Variants in SH3PXD2A observed in about 807,000 individuals in gnomAD.
SH3PXD2A encodes the protein SH3 and PX domains 2A.
Under a neutral mutation model 115.2 loss-of-function variants are expected in SH3PXD2A, and 32 were observed. The ratio of observed to expected loss-of-function variants is 0.28; its 90% confidence interval spans 0.21 to 0.37. The LOEUF (loss-of-function observed/expected upper bound fraction) is 0.37, where lower values mean the gene tolerates loss of function less well. Among genes scored for constraint, SH3PXD2A ranks in the 10% least tolerant of loss-of-function variants. SH3PXD2A has a pLI of 1.00. For missense variants in SH3PXD2A, 1,328 were observed against 1,498.7 expected (o/e 0.89, Z 1.88); for synonymous variants, 610 against 629.1 (o/e 0.97, Z 0.45).
At chr10:103,837,734 T>G (rs562161410) in intron 1 of SH3PXD2A, among the ~76,000 whole-genome samples, 2 of 152,186 alleles carry the variant, frequency 1.3e-5, no homozygotes, top group Non-Finnish European at 2.9e-5. Context: ...GCAGGAGAAC[T>G]GTAGCACTTC....
rs1387124567 is a variant in SH3PXD2A, at chr10:103,596,839, T to A, written c.*4977A>T. 2 of 152,606 alleles carry A rather than the reference T, an allele frequency of 1.3e-5. No individual in the cohort carries two copies. Among genetic ancestry groups the A allele is most frequent in the African/African-American group, 4.8e-5 (2 of 41,434 alleles). 9.5% of individuals were successfully genotyped at this position (152,606 alleles called of 1,614,324 possible). On this transcript the variant is annotated 3_prime_UTR_variant, in exon 15 of 15. Coordinates refer to ENST00000369774, the MANE Select transcript of SH3PXD2A (RefSeq NM_001394015.1). The stretch of plus-strand genomic sequence containing the variant: ...GAGACCCGCACAGGGCACAGTCCCA[T>A]TCCAGGCACAGAGATCTGTGTCTGT...
At chr10:103,854,891 T>C (rs1216488657) in intron 1 of SH3PXD2A, among the ~76,000 whole-genome samples, 1 of 151,472 alleles carries the variant, frequency 6.6e-6, no homozygotes, top group Non-Finnish European at 1.5e-5. Context: ...CTGTGAGGGG[T>C]TGACGAAAGC....
chr10:103,599,739 A>G lies in SH3PXD2A; in HGVS notation c.*2077T>C, dbSNP rs1403633476. 1 of 152,670 alleles carries G rather than the reference A, an allele frequency of 6.6e-6. No homozygotes were observed. Among genetic ancestry groups the G allele is most frequent in the Non-Finnish European group, 1.5e-5 (1 of 68,048 alleles). The allele number at this position is 152,670 out of a possible 1,614,324, so 9.5% of individuals were successfully genotyped here. ...AATAAGTACAAATAATATTAACATG[A>G]AGACACTAAACCACTACCATTAGTA... On this transcript the variant is annotated 3_prime_UTR_variant, in exon 15 of 15. Coordinates refer to ENST00000369774, the MANE Select transcript of SH3PXD2A (RefSeq NM_001394015.1).
At chr10:103,714,035 C>T (rs1292158702) in intron 5 of SH3PXD2A, among the ~76,000 whole-genome samples, 3 of 152,170 alleles carry the variant, frequency 2.0e-5, no homozygotes, top group African/African-American at 4.8e-5. Context: ...TCCCAGTGGC[C>T]GAAGACCCAG....
rs781020469 is a variant in SH3PXD2A, at chr10:103,596,659, A to ACTCT, written c.*5156_*5157insAGAG. 516 of 48,874 alleles carry ACTCT rather than the reference A, an allele frequency of 0.011. 6 individuals are homozygous for ACTCT. Among genetic ancestry groups the ACTCT allele is most frequent in the Admixed American group, 0.082 (408 of 4,978 alleles). 3.0% of individuals were successfully genotyped at this position (48,874 alleles called of 1,614,324 possible). A position where few individuals can be genotyped will look rare whatever the true frequency, so the allele number is the denominator to read the frequency against. On this transcript the variant is annotated 3_prime_UTR_variant, in exon 15 of 15. Coordinates refer to ENST00000369774, the MANE Select transcript of SH3PXD2A (RefSeq NM_001394015.1). ...GACACACACACACACACACACACAC[A>ACTCT]CACACTCTCTCTCTCTCTCTCTCTC...
At chr10:103,632,980 A>G (rs1007765559) in intron 8 of SH3PXD2A, among the ~76,000 whole-genome samples, 4 of 151,938 alleles carry the variant, frequency 2.6e-5, no homozygotes, top group African/African-American at 9.7e-5. Flanking sequence ...CTCAGAAACA[A>G]AAAGAACAAA....
intron 1 of SH3PXD2A, among the ~76,000 whole-genome samples, chr10:103,813,384 A>G (rs1242566864): frequency 6.6e-6 from 1 of 152,088 alleles, no homozygotes. Context: ...TGGCACAATC[A>G]TAGCTCAATG....
intron 3 of SH3PXD2A, among the ~76,000 whole-genome samples, chr10:103,748,290 G>T (rs1589439404): frequency 6.6e-6 from 1 of 152,220 alleles, no homozygotes; most frequent in East Asian, 1.9e-4. Flanking sequence ...GTGGAGCTGG[G>T]ATTGGGTGTG....
At chr10:103,733,264 C>G (rs549047910) in intron 4 of SH3PXD2A, among the ~76,000 whole-genome samples, 43 of 152,178 alleles carry the variant, frequency 2.8e-4, no homozygotes, top group Non-Finnish European at 5.6e-4. Flanking sequence ...CCCTCTGAAT[C>G]AGGAGTCCTG....
chr10:103,653,772 A>G (rs773133994), intron 8 of SH3PXD2A, among the ~76,000 whole-genome samples: 8 of 152,116 alleles, frequency 5.3e-5, no homozygotes, highest in Non-Finnish European at 1.0e-4. Flanking sequence ...TCCAGCTGGA[A>G]GAAAGCACTA....
At chr10:103,725,838 T>TAAATAAATAAAATAAAAATAA (rs1564873917) in intron 4 of SH3PXD2A, among the ~76,000 whole-genome samples, 5 of 151,036 alleles carry the variant, frequency 3.3e-5, no homozygotes, top group Non-Finnish European at 7.4e-5. Flanking sequence ...CAAAAAAATA[T>TAAATAAATAAAATAAAAATAA]AAATAAATAA....
intron 8 of SH3PXD2A, among the ~76,000 whole-genome samples, chr10:103,646,840 A>C (rs2037043284): frequency 6.6e-6 from 1 of 152,170 alleles, no homozygotes; most frequent in Non-Finnish European, 1.5e-5. Flanking sequence ...CTCCGCTCTG[A>C]ATAAGGCCCA....
At chr10:103,677,128 C>T (rs752712737) in intron 6 of SH3PXD2A, among the ~76,000 whole-genome samples, 13 of 152,204 alleles carry the variant, frequency 8.5e-5, no homozygotes, top group Non-Finnish European at 1.6e-4. Flanking sequence ...CAGACATTCC[C>T]CTCCCCGGAC....
In SH3PXD2A at chr10:103,632,472, G is replaced by C. The variant is rs529663564; in HGVS notation, c.605-5270C>G. On this transcript the variant is annotated intron_variant, in intron 8 of 14. Coordinates refer to ENST00000369774, the MANE Select transcript of SH3PXD2A (RefSeq NM_001394015.1). ...GAGGCCTGTCAGCAGCCATGGGTGGGGTCAGCGCAGGGAATCTTTCCAAGA... is the reference window on the plus strand; with the variant it reads ...GAGGCCTGTCAGCAGCCATGGGTGGCGTCAGCGCAGGGAATCTTTCCAAGA... Among the ~76,000 whole-genome samples, 5 of 152,310 alleles carry C rather than the reference G, an allele frequency of 3.3e-5. No individual in the cohort carries two copies. The South Asian group carries it at 8.3e-4, about 25-fold the overall frequency.
At chr10:103,645,803 T>C (rs1321842755) in intron 8 of SH3PXD2A, among the ~76,000 whole-genome samples, 4 of 152,108 alleles carry the variant, frequency 2.6e-5, no homozygotes, top group African/African-American at 7.2e-5. Flanking sequence ...GGCACTGGAA[T>C]GGGCAGCCCC....
In SH3PXD2A at chr10:103,756,867, G is replaced by A. The variant is rs552072665; in HGVS notation, c.229+10227C>T. Reference sequence around the variant, plus strand: ...TTTGCCCTCTCACCTGCCTCTCCAGGACCCCAGCTGGTCTCCTCTGCTCCG... The same window carrying A: ...TTTGCCCTCTCACCTGCCTCTCCAGAACCCCAGCTGGTCTCCTCTGCTCCG... On this transcript the variant is annotated intron_variant, in intron 3 of 14. Transcript: ENST00000369774. The surrounding 1 kb of genome is among the most constrained non-coding windows in gnomAD (Gnocchi z 4.4). 4.6e-5 allele frequency among the ~76,000 whole-genome samples: 7 copies of A among 152,212 alleles called. No individual in the cohort carries two copies. The East Asian group carries it at 1.4e-3, about 29-fold the overall frequency.
rs1482737360 is a variant in SH3PXD2A, at chr10:103,665,380, T to C, written c.472+3228A>G. 6.6e-6 allele frequency among the ~76,000 whole-genome samples: 1 copy of C among 151,980 alleles called. No individual in the cohort carries two copies. Among genetic ancestry groups the C allele is most frequent in the Admixed American group, 6.5e-5 (1 of 15,276 alleles). Reference sequence around the variant, plus strand: ...CCCCCACACCCCTTCCCCCCACCACTTTCCTGGAAAATTGGCCTGACCTTC... The same window carrying C: ...CCCCCACACCCCTTCCCCCCACCACCTTCCTGGAAAATTGGCCTGACCTTC... On this transcript the variant is annotated intron_variant, in intron 7 of 14. Transcript: ENST00000369774. This position sits in a 1 kb window ranked among gnomAD's most constrained non-coding sequence, Gnocchi z 4.0.
intron 4 of SH3PXD2A, among the ~76,000 whole-genome samples, chr10:103,734,929 C>T (rs2134185071): frequency 6.6e-6 from 1 of 152,336 alleles, no homozygotes; most frequent in South Asian, 2.1e-4. Flanking sequence ...ATCCTCATGA[C>T]CACCGTGTGG....
In SH3PXD2A at chr10:103,641,444, A is replaced by G. The variant is rs151133139; in HGVS notation, c.605-14242T>C. The stretch of plus-strand genomic sequence containing the variant: ...AAACTCAGAATGGGAGACTTACCCA[A>G]GGAGTGTGTGGCTAAGGGGAGGTGC... On this transcript the variant is annotated intron_variant, in intron 8 of 14. Transcript: ENST00000369774. 7.9e-4 allele frequency among the ~76,000 whole-genome samples: 120 copies of G among 152,266 alleles called. 1 individual carries two copies. Among genetic ancestry groups the G allele is most frequent in the African/African-American group, 2.8e-3 (116 of 41,556 alleles).
Sources: allele counts gnomAD v4.1 joint callset (sites outside exome capture counted in the v4.1 genomes callset), GRCh38; gene constraint gnomAD v4.1.1; non-coding constraint Gnocchi (gnomAD v3.1); transcripts MANE v1.5; gene names NCBI Gene and HGNC (gene_info 2026-07-23, HGNC 2026-07-21).